Variants in CFAP69 observed in about 807,000 individuals in gnomAD.
CFAP69 encodes the protein cilia and flagella associated protein 69.
In CFAP69, 92 loss-of-function variants were observed where a neutral mutation model predicts 123.0. The observed-to-expected ratio is 0.75, with a 90% confidence interval of 0.63 to 0.89. The LOEUF (loss-of-function observed/expected upper bound fraction) is 0.89, where lower values mean the gene tolerates loss of function less well. Ranked by LOEUF, CFAP69 falls within the 40% of genes least tolerant of loss-of-function variation. CFAP69 has a pLI of 0.00. For missense variants in CFAP69, 1,067 were observed against 1,096.9 expected, an observed-to-expected ratio of 0.97 and a Z score of 0.39; for synonymous variants, 380 against 364.3, an observed-to-expected ratio of 1.04 and a Z score of -0.49.
rs1458306998 is a variant in CFAP69 at position 90,277,196 on chromosome 7, C to CT, written c.1034-10dup. 1.9e-6 allele frequency: 3 copies of CT among 1,579,270 alleles called. No individual in the cohort carries two copies. The highest frequency in any genetic ancestry group is 1.2e-5 in the South Asian group (1 of 84,874). On this transcript the variant is annotated splice_polypyrimidine_tract_variant and intron_variant, in intron 10 of 22. Transcript: ENST00000389297. ...GTACAACATTTAAGCTTTCATTTTA[C>CT]TTTTTTTCCCTCACAGTTAAAAGTC... is the stretch of plus-strand genomic sequence containing the variant.
At chr7:90,285,266 G>A (rs1348287538) in intron 13 of CFAP69, among the ~76,000 whole-genome samples, 1 of 152,094 alleles carries the variant, frequency 6.6e-6, no homozygotes, top group Non-Finnish European at 1.5e-5. Flanking sequence ...TCCCCCACCT[G>A]TAATTCATCC....
chr7:90,260,086 A>AT (rs953852427), intron 3 of CFAP69, among the ~76,000 whole-genome samples: 2 of 151,922 alleles, frequency 1.3e-5, no homozygotes, highest in Non-Finnish European at 2.9e-5. Flanking sequence ...TTTTTTGATA[A>AT]TTTTTTTTAG....
At chr7:90,269,246 A>C (rs1799612970) in intron 6 of CFAP69, among the ~76,000 whole-genome samples, 1 of 152,086 alleles carries the variant, frequency 6.6e-6, no homozygotes. Flanking sequence ...TGGTAGATAA[A>C]AGATATTGGA....
the CFAP69 span, chr7:90,318,743 G>C: frequency 6.6e-6 from 1 of 151,904 alleles, no homozygotes; most frequent in Non-Finnish European, 1.5e-5. Flanking sequence ...TAGCAATAAA[G>C]CAATTACAAC....
At chr7:90,286,713 C>CAGG (rs1459080511) in intron 14 of CFAP69, among the ~76,000 whole-genome samples, 13 of 152,096 alleles carry the variant, frequency 8.5e-5, no homozygotes, top group Non-Finnish European at 1.5e-4. Context: ...TTTCCCTATT[C>CAGG]TTTAAGTTTA....
intron 5 of CFAP69, among the ~76,000 whole-genome samples, 176 bp from the exon 6 acceptor site, chr7:90,268,110 A>T (rs1799415076): frequency 6.6e-6 from 1 of 152,180 alleles, no homozygotes; most frequent in African/African-American, 2.4e-5. Context: ...TACTGTTTAT[A>T]TGTATGTATG....
In CFAP69 at chr7:90,265,523, G is replaced by T. The variant is rs12669438; in HGVS notation, c.433+146G>T. The T allele has an allele frequency of 2.2e-3, 1,246 of 557,658 alleles. 21 individuals carry two copies. In the East Asian group the frequency reaches 0.032, roughly 14 times the overall value. The allele number at this position is 557,658 out of a possible 1,614,324, so 34.5% of individuals were successfully genotyped here. A position where few individuals can be genotyped will look rare whatever the true frequency, so the allele number is the denominator to read the frequency against. ...CTTGTTAGTGAATTAATCACAGTGTGCTTGGTGATAATTCTGGTATTGTAT... is the reference window on the plus strand; with the variant it reads ...CTTGTTAGTGAATTAATCACAGTGTTCTTGGTGATAATTCTGGTATTGTAT... On this transcript the variant is annotated intron_variant, in intron 5 of 22. Transcript: ENST00000389297.
At chr7:90,285,391 C>A (rs1211849945) in intron 13 of CFAP69, among the ~76,000 whole-genome samples, 2 of 152,054 alleles carry the variant, frequency 1.3e-5, no homozygotes, top group Non-Finnish European at 2.9e-5. Context: ...TGCCAGTTAC[C>A]CCTTTAACCG....
chr7:90,313,052 A>G (rs1005796595), downstream of CFAP69, among the ~76,000 whole-genome samples: 1 of 152,232 alleles, frequency 6.6e-6, no homozygotes, highest in Non-Finnish European at 1.5e-5. Flanking sequence ...ATCTGGCATC[A>G]TCAGTCTGCC....
intron 15 of CFAP69, among the ~76,000 whole-genome samples, chr7:90,293,628 A>G (rs767874394): frequency 1.3e-5 from 2 of 152,170 alleles, no homozygotes; most frequent in Non-Finnish European, 2.9e-5. Context: ...CCAAAAACAC[A>G]TTTCACTTTC....
intron 8 of CFAP69, among the ~76,000 whole-genome samples, chr7:90,273,519 A>G (rs1240562032): frequency 6.6e-6 from 1 of 152,218 alleles, no homozygotes; most frequent in African/African-American, 2.4e-5. Context: ...TTGGAAGTGT[A>G]AAAAATATTA....
chr7:90,286,583 A>C, intron 14 of CFAP69, 184 bp downstream of exon 14: 1 of 492,340 alleles, frequency 2.0e-6, no homozygotes. Context: ...TTTAACTCAT[A>C]CCCCCAATTA....
At chr7:90,305,625 G>T (rs1027245309) in intron 19 of CFAP69, among the ~76,000 whole-genome samples, 1 of 151,640 alleles carries the variant, frequency 6.6e-6, no homozygotes, top group Non-Finnish European at 1.5e-5. Context: ...GGCCGAGGTG[G>T]GTGGATCACC....
Position 90,255,500 on chromosome 7 carries a change from G to A in CFAP69, c.180+18G>A. On this transcript the variant is annotated intron_variant, in intron 2 of 22. Coordinates refer to ENST00000389297, the MANE Select transcript of CFAP69 (RefSeq NM_001039706.3). ...CTGATAAAGTGAGTAAGCTTTGAGA[G>A]AAAATTACTCCGCTGCATTACTTAC... 6.3e-7 allele frequency: 1 copy of A among 1,582,872 alleles called. No homozygotes were observed. Among genetic ancestry groups the A allele is most frequent in the South Asian group, 1.1e-5 (1 of 90,260 alleles).
Position 90,277,055 on chromosome 7 carries a change from T to A in CFAP69, c.985-18T>A. 1 of 1,515,578 alleles carries A rather than the reference T, an allele frequency of 6.6e-7. No homozygotes were observed. Among genetic ancestry groups the A allele is most frequent in the Non-Finnish European group, 8.9e-7 (1 of 1,121,652 alleles). 93.9% of individuals were successfully genotyped at this position (1,515,578 alleles called of 1,614,324 possible). Reference sequence around the variant, plus strand: ...CTTATTCATTCATCTTTCTGCTTATTTTATGTATTTATATTAGGAATGTGG... The same window carrying A: ...CTTATTCATTCATCTTTCTGCTTATATTATGTATTTATATTAGGAATGTGG... On this transcript the variant is annotated intron_variant, in intron 9 of 22. Coordinates refer to ENST00000389297, the MANE Select transcript of CFAP69 (RefSeq NM_001039706.3).
intron 2 of CFAP69, among the ~76,000 whole-genome samples, chr7:90,257,056 C>T (rs28947505): frequency 1.3e-5 from 2 of 152,206 alleles, no homozygotes; most frequent in East Asian, 1.9e-4. Flanking sequence ...ATTTTGGACA[C>T]GTTACTTTAA....
intron 17 of CFAP69, 59 bp downstream of exon 17, chr7:90,300,118 T>C: frequency 1.5e-6 from 2 of 1,351,140 alleles, no homozygotes; most frequent in Non-Finnish European, 1.9e-6. Context: ...AAAAGATCTT[T>C]AAATGGTATT....
Position 90,306,948 on chromosome 7 carries a change from A to T in CFAP69, c.2313A>T (p.Lys771Asn). The change falls in exon 20 of 23, where the codon AAA becomes AAT. Residue 771 changes from lysine (K) to asparagine (N), a missense_variant. Transcript: ENST00000389297. Reference protein sequence around the residue: ...NEIYEEIKLEKLRPVTTDKKA... With the variant: ...NEIYEEIKLENLRPVTTDKKA... ...TATATGAAGAAATAAAATTAGAAAA[A>T]TTAAGACCAGTCACTACAGATAAAA... 1 of 1,573,638 alleles carries T rather than the reference A, an allele frequency of 6.4e-7. No homozygotes were observed. Among genetic ancestry groups the T allele is most frequent in the East Asian group, 2.2e-5 (1 of 44,588 alleles).
chr7:90,300,360 A>G (rs1792612906), intron 17 of CFAP69: 2 of 899,542 alleles, frequency 2.2e-6, no homozygotes, highest in South Asian at 1.0e-4. Flanking sequence ...TTTTATAGAT[A>G]GATTCAATAA....
Sources: gnomAD v4.1 joint callset for allele counts (sites outside exome capture counted in the v4.1 genomes callset) on GRCh38, gnomAD v4.1.1 for gene constraint, MANE v1.5 for transcripts, NCBI Gene and HGNC (gene_info 2026-07-23, HGNC 2026-07-21) for gene names.